CDH12: variants seen among roughly 807,000 people sequenced by gnomAD.
CDH12 encodes cadherin 12, also known as cadherin-12.
In CDH12, 41 loss-of-function variants were observed where a neutral mutation model predicts 74.1. The ratio of observed to expected loss-of-function variants is 0.55; its 90% CI spans 0.43 to 0.72. CDH12 has a LOEUF of 0.72. Ranked by LOEUF, CDH12 falls within the 30% of genes least tolerant of loss-of-function variation. The pLI, the probability that CDH12 is intolerant of heterozygous loss-of-function variation, is 0.00. For synonymous variants in CDH12, 399 were observed against 355.0 expected (o/e 1.12, Z -1.39); for missense variants, 945 against 977.2 (o/e 0.97, Z 0.44).
At chr5:22,731,044 C>T (rs934322931) in intron 1 of CDH12, among the ~76,000 whole-genome samples, 11 of 151,812 alleles carry the variant, frequency 7.2e-5, no homozygotes, top group African/African-American at 2.7e-4. Context: ...TACTCTTCTT[C>T]ATTTTCATCA....
At chr5:21,958,899 G>C (rs1006432356) in intron 6 of CDH12, among the ~76,000 whole-genome samples, 2 of 152,130 alleles carry the variant, frequency 1.3e-5, no homozygotes, top group Non-Finnish European at 2.9e-5. Flanking sequence ...GCCTTTTAAT[G>C]ATATTGATTC....
At chr5:22,763,261 T>C (rs1339692159) in intron 1 of CDH12, among the ~76,000 whole-genome samples, 2 of 151,956 alleles carry the variant, frequency 1.3e-5, no homozygotes, top group Non-Finnish European at 2.9e-5. Context: ...TTACATTTTA[T>C]TTAACATAGT....
chr5:22,705,438 A>G (rs1240699552), intron 1 of CDH12, among the ~76,000 whole-genome samples: 3 of 151,036 alleles, frequency 2.0e-5, no homozygotes, highest in African/African-American at 7.3e-5. Context: ...CCATTTCACA[A>G]TATTAATTCA....
chr5:22,645,258 G>A (rs544728904), intron 1 of CDH12, among the ~76,000 whole-genome samples: 20 of 152,094 alleles, frequency 1.3e-4, no homozygotes, highest in African/African-American at 4.3e-4. Flanking sequence ...CATGAAAAGA[G>A]GTCAAAATAT....
chr5:22,416,355 G>T (rs1024037203), intron 2 of CDH12, among the ~76,000 whole-genome samples: 17 of 152,008 alleles, frequency 1.1e-4, no homozygotes, highest in African/African-American at 3.9e-4. Context: ...GATTACAAGC[G>T]TGAGCCACCG....
chr5:21,992,073 G>C (rs1757778533), intron 5 of CDH12, among the ~76,000 whole-genome samples: 1 of 151,970 alleles, frequency 6.6e-6, no homozygotes, highest in Non-Finnish European at 1.5e-5. Context: ...AGGTTAGTGA[G>C]AGATCATTTT....
At chr5:22,708,201 A>G (rs1244616612) in intron 1 of CDH12, among the ~76,000 whole-genome samples, 1 of 152,184 alleles carries the variant, frequency 6.6e-6, no homozygotes, top group Non-Finnish European at 1.5e-5. Context: ...TGTACTAAAC[A>G]CACACATATG....
intron 6 of CDH12, among the ~76,000 whole-genome samples, chr5:21,974,133 A>G (rs1409910963): frequency 6.6e-6 from 1 of 152,174 alleles, no homozygotes; most frequent in Non-Finnish European, 1.5e-5. Context: ...CACAATCTTC[A>G]TCACAAGTCC....
Position 22,382,072 on chromosome 5 carries a change from A to G in CDH12, c.-333+23185T>C, listed in dbSNP as rs960004429. ...CACTGCAGTCTCAATATTATAATACATAATATAATAGAAATATGATATAAA... is the reference window on the plus strand; with the variant it reads ...CACTGCAGTCTCAATATTATAATACGTAATATAATAGAAATATGATATAAA... On this transcript the variant is annotated intron_variant, in intron 3 of 14. Transcript: ENST00000382254. 3.4e-5 allele frequency among the ~76,000 whole-genome samples: 5 copies of G among 147,222 alleles called. No individual in the cohort carries two copies. The South Asian group carries it at 8.4e-4, about 25-fold the overall frequency.
At chr5:22,592,875 C>A (rs1191515554) in intron 1 of CDH12, among the ~76,000 whole-genome samples, 1 of 151,388 alleles carries the variant, frequency 6.6e-6, no homozygotes, top group African/African-American at 2.4e-5. Context: ...ACTAAAAATA[C>A]AAAAATTAGC....
At chr5:22,105,258 A>AT (rs111996237) in intron 4 of CDH12, among the ~76,000 whole-genome samples, 68,069 of 150,546 alleles carry the variant, frequency 0.45, 15,639 homozygotes, top group Middle Eastern at 0.52. Context: ...CACCCAGCTA[A>AT]TTTTTTTTAT....
chr5:22,844,175 C>T (rs763755660), intron 1 of CDH12, among the ~76,000 whole-genome samples: 2 of 152,046 alleles, frequency 1.3e-5, no homozygotes, highest in South Asian at 2.1e-4. Flanking sequence ...ATTTCATACT[C>T]GGTAAAAAAT....
At chr5:22,741,987 C>T (rs976191042) in intron 1 of CDH12, among the ~76,000 whole-genome samples, 5 of 152,194 alleles carry the variant, frequency 3.3e-5, no homozygotes, top group African/African-American at 4.8e-5. Flanking sequence ...TCGAGACCAG[C>T]GTGGTCAATA....
chr5:22,027,492 G>A (rs549793252), intron 5 of CDH12, among the ~76,000 whole-genome samples: 87 of 152,236 alleles, frequency 5.7e-4, no homozygotes, highest in African/African-American at 2.0e-3. Flanking sequence ...CAGTTACAGA[G>A]CCTGTTATTG....
intron 1 of CDH12, among the ~76,000 whole-genome samples, chr5:22,549,464 C>T (rs868543838): frequency 1.3e-5 from 2 of 152,042 alleles, no homozygotes; most frequent in Non-Finnish European, 2.9e-5. Flanking sequence ...ATGTTTATCA[C>T]AGCCAAGATA....
intron 6 of CDH12, among the ~76,000 whole-genome samples, chr5:21,898,919 T>A (rs1300008622): frequency 1.3e-5 from 2 of 152,024 alleles, no homozygotes; most frequent in Non-Finnish European, 2.9e-5. Context: ...AGAAGGAATT[T>A]ATGAGGGAAA....
At chr5:22,049,212 G>A (rs1182023593) in intron 5 of CDH12, among the ~76,000 whole-genome samples, 3 of 151,998 alleles carry the variant, frequency 2.0e-5, no homozygotes, top group Non-Finnish European at 4.4e-5. Flanking sequence ...GGAATTAGTG[G>A]TCTATATCTA....
intron 3 of CDH12, among the ~76,000 whole-genome samples, chr5:22,216,480 C>T (rs1751807690): frequency 6.6e-6 from 1 of 151,884 alleles, no homozygotes; most frequent in Non-Finnish European, 1.5e-5. Context: ...GATGGTTTAT[C>T]AGAACAGACC....
intron 2 of CDH12, among the ~76,000 whole-genome samples, chr5:22,466,776 CTTTTTTTTTTTTTT>C (rs70959733): frequency 2.7e-4 from 14 of 50,998 alleles, no homozygotes; most frequent in South Asian, 2.1e-3. Context: ...CCTCAGGAAT[CTTTTTTTTTTTTTT>C]TTTTTTTTTT....
Sources: allele counts gnomAD v4.1 joint callset (sites outside exome capture counted in the v4.1 genomes callset), GRCh38; gene constraint gnomAD v4.1.1; transcripts MANE v1.5; gene names NCBI Gene and HGNC (gene_info 2026-07-23, HGNC 2026-07-21).